NKAIN2: variants seen among roughly 807,000 people sequenced by gnomAD.
NKAIN2 encodes sodium/potassium transporting ATPase interacting 2.
In NKAIN2, 14 loss-of-function variants were observed where a neutral mutation model predicts 32.6. That is an observed-to-expected ratio of 0.43 (90% CI 0.28 to 0.67). NKAIN2 has a LOEUF of 0.67. NKAIN2 is among the 30% of genes least tolerant of loss of function. The probability of loss-of-function intolerance (pLI) is 0.17; values close to 1 mark genes in which losing one functional copy is unlikely to be tolerated. For missense variants in NKAIN2, 198 were observed against 258.3 expected (o/e 0.77, Z 1.60); for synonymous variants, 80 against 87.2 (o/e 0.92, Z 0.46).
intron 1 of NKAIN2, among the ~76,000 whole-genome samples, chr6:123,894,044 A>G (rs966917390): frequency 2.0e-5 from 3 of 152,232 alleles, no homozygotes; most frequent in Non-Finnish European, 2.9e-5. Flanking sequence ...CTACAAGTAT[A>G]TGTCCTGTTG....
In NKAIN2 at chr6:124,186,186, G is replaced by A. The variant is rs570012493; in HGVS notation, c.55-96819G>A. Among the ~76,000 whole-genome samples, 598 of 141,342 alleles carry A rather than the reference G, an allele frequency of 4.2e-3. 2 individuals carry two copies. Among genetic ancestry groups the A allele is most frequent in the African/African-American group, 0.016 (559 of 34,458 alleles). The allele number at this position is 141,342 out of a possible 152,430, so 92.7% of individuals were successfully genotyped here. On this transcript the variant is annotated intron_variant, in intron 1 of 6. Transcript: ENST00000368417. ...GAGGGAGGGAGGGAAAGAAAGAAAG[G>A]AAGGAAGGAAGGAAAGAAGGAAAGA...
intron 2 of NKAIN2, among the ~76,000 whole-genome samples, chr6:124,339,224 C>G (rs1798011650): frequency 6.6e-6 from 1 of 152,048 alleles, no homozygotes; most frequent in South Asian, 2.1e-4. Context: ...ACCTGTAGTC[C>G]CAGCTACTCA....
At chr6:123,872,363 A>G (rs1205015306) in intron 1 of NKAIN2, among the ~76,000 whole-genome samples, 1 of 152,240 alleles carries the variant, frequency 6.6e-6, no homozygotes, top group African/African-American at 2.4e-5. Context: ...TACTAGCAGC[A>G]GCCAGGTTGT....
intron 1 of NKAIN2, among the ~76,000 whole-genome samples, chr6:124,261,866 CA>C (rs1233407177): frequency 2.1e-3 from 262 of 124,376 alleles, no homozygotes; most frequent in Middle Eastern, 0.011. Context: ...CCATCTCACA[CA>C]AAAAAAAAAA....
chr6:124,268,060 G>A (rs1794584206), intron 1 of NKAIN2, among the ~76,000 whole-genome samples: 1 of 151,978 alleles, frequency 6.6e-6, no homozygotes, highest in Admixed American at 6.6e-5. Flanking sequence ...CCACTCATAA[G>A]TCTATCGTGT....
intron 1 of NKAIN2, among the ~76,000 whole-genome samples, chr6:124,245,677 G>A (rs1793359588): frequency 6.6e-6 from 1 of 152,072 alleles, no homozygotes; most frequent in Non-Finnish European, 1.5e-5. Context: ...ATTGTGTCAG[G>A]AGTTGGACGA....
intron 3 of NKAIN2, among the ~76,000 whole-genome samples, chr6:124,498,099 T>C (rs1238992554): frequency 6.6e-6 from 1 of 152,194 alleles, no homozygotes; most frequent in Non-Finnish European, 1.5e-5. Flanking sequence ...TCTCATTTTT[T>C]AAGCCCAAAA....
intron 1 of NKAIN2, among the ~76,000 whole-genome samples, chr6:124,274,420 T>C (rs1045394632): frequency 2.0e-5 from 3 of 152,160 alleles, no homozygotes; most frequent in Non-Finnish European, 4.4e-5. Flanking sequence ...GAACCTATTA[T>C]ATTTACTGGC....
At chr6:124,687,266 CTCTA>C (rs1176988304) in intron 4 of NKAIN2, among the ~76,000 whole-genome samples, 1 of 137,648 alleles carries the variant, frequency 7.3e-6, no homozygotes, top group Admixed American at 7.2e-5. Context: ...TATATATTCT[CTCTA>C]TATATAGAGA....
chr6:123,871,635 T>C (rs1772888850), intron 1 of NKAIN2, among the ~76,000 whole-genome samples: 2 of 152,210 alleles, frequency 1.3e-5, no homozygotes, highest in African/African-American at 4.8e-5. Context: ...ACTTTTCACA[T>C]CTGAATGTCT....
intron 1 of NKAIN2, among the ~76,000 whole-genome samples, chr6:124,071,352 C>G (rs533366605): frequency 1.3e-5 from 2 of 151,952 alleles, no homozygotes; most frequent in Non-Finnish European, 2.9e-5. Context: ...AATGTAAGAC[C>G]TCAAACTATA....
intron 4 of NKAIN2, among the ~76,000 whole-genome samples, chr6:124,695,243 T>G (rs1774444785): frequency 6.6e-6 from 1 of 151,926 alleles, no homozygotes; most frequent in Non-Finnish European, 1.5e-5. Flanking sequence ...CATCAGGGAT[T>G]AATAAACAAC....
At chr6:124,579,399 A>G (rs866438154) in intron 3 of NKAIN2, among the ~76,000 whole-genome samples, 1 of 152,256 alleles carries the variant, frequency 6.6e-6, no homozygotes, top group Admixed American at 6.5e-5. Flanking sequence ...CAAATTTAAC[A>G]AAGACATTGA....
intron 4 of NKAIN2, among the ~76,000 whole-genome samples, chr6:124,687,439 C>T (rs1773998307): frequency 7.5e-6 from 1 of 133,118 alleles, no homozygotes; most frequent in Non-Finnish European, 1.6e-5. Flanking sequence ...ATACCATATA[C>T]ATACATGGTA....
At chr6:124,064,334 TA>T (rs1212018007) in intron 1 of NKAIN2, among the ~76,000 whole-genome samples, 6 of 152,158 alleles carry the variant, frequency 3.9e-5, no homozygotes, top group South Asian at 2.1e-4. Flanking sequence ...GTGCTTTTGC[TA>T]AAAAAATGTG....
chr6:124,331,905 A>G (rs924949488), intron 2 of NKAIN2, among the ~76,000 whole-genome samples: 1 of 152,176 alleles, frequency 6.6e-6, no homozygotes, highest in Non-Finnish European at 1.5e-5. Context: ...ACTCAATTTT[A>G]CCCTTGAGTA....
chr6:124,637,802 G>A (rs996880233), intron 3 of NKAIN2, among the ~76,000 whole-genome samples: 1 of 152,070 alleles, frequency 6.6e-6, no homozygotes, highest in African/African-American at 2.4e-5. Flanking sequence ...CTCATGGATT[G>A]GAAGAATTAA....
chr6:124,372,772 A>C (rs1017863424), intron 3 of NKAIN2, among the ~76,000 whole-genome samples: 102 of 152,270 alleles, frequency 6.7e-4, no homozygotes, highest in African/African-American at 2.4e-3. Flanking sequence ...CATTATTATA[A>C]ACATTTCTAT....
intron 1 of NKAIN2, among the ~76,000 whole-genome samples, chr6:124,268,314 A>C (rs780871844): frequency 6.6e-6 from 1 of 152,236 alleles, no homozygotes; most frequent in Non-Finnish European, 1.5e-5. Flanking sequence ...TATAATATTC[A>C]TATTTGTAAG....
Sources: gnomAD v4.1 joint callset for allele counts (sites outside exome capture counted in the v4.1 genomes callset) on GRCh38, gnomAD v4.1.1 for gene constraint, MANE v1.5 for transcripts, NCBI Gene and HGNC (gene_info 2026-07-23, HGNC 2026-07-21) for gene names.